CSMD1: variants seen among roughly 807,000 people sequenced by gnomAD.
CSMD1 encodes CUB and sushi domain-containing protein 1.
Under a neutral mutation model 417.5 loss-of-function variants are expected in CSMD1, and 213 were observed. That is an observed-to-expected ratio of 0.51 (90% CI 0.46 to 0.57). The LOEUF (loss-of-function observed/expected upper bound fraction) is 0.57. CSMD1 is among the 20% of genes least tolerant of loss of function. The pLI is 0.00. For synonymous variants in CSMD1, 2,862 were observed against 1,736.8 expected (o/e 1.65, Z -16.11); for missense variants, 6,923 against 4,529.7 (o/e 1.53, Z -15.17).
chr8:4,902,433 A>AG (rs1178053799), intron 1 of CSMD1, among the ~76,000 whole-genome samples: 2 of 115,490 alleles, frequency 1.7e-5, no homozygotes, highest in East Asian at 5.8e-4. Context: ...TCTAAAGAGG[A>AG]GAAAAAAAAA....
intron 5 of CSMD1, among the ~76,000 whole-genome samples, chr8:3,925,586 C>G (rs989238041): frequency 8.5e-5 from 13 of 152,064 alleles, no homozygotes; most frequent in Non-Finnish European, 1.0e-4. Context: ...ATCGTGGAGA[C>G]CAGTCTTTCC....
chr8:3,857,070 G>GA (rs993749576), intron 5 of CSMD1, among the ~76,000 whole-genome samples: 85 of 147,682 alleles, frequency 5.8e-4, no homozygotes, highest in African/African-American at 1.5e-3. Flanking sequence ...CTTACTTCAG[G>GA]AAAAAAAAAA....
intron 68 of CSMD1, among the ~76,000 whole-genome samples, chr8:2,947,786 G>A (rs1229604200): frequency 1.3e-5 from 2 of 152,052 alleles, no homozygotes; most frequent in African/African-American, 4.8e-5. Flanking sequence ...TTGGTCTAAT[G>A]CATTTATTCC....
intron 39 of CSMD1, 54 bp downstream of exon 39, chr8:3,157,843 C>A (rs1311781612): frequency 4.3e-6 from 6 of 1,391,160 alleles, no homozygotes; most frequent in Non-Finnish European, 4.0e-6. Flanking sequence ...GTAGAGCAGG[C>A]ATGTTCTTCC....
At chr8:3,968,094 G>C (rs919158014) in intron 5 of CSMD1, among the ~76,000 whole-genome samples, 2 of 151,710 alleles carry the variant, frequency 1.3e-5, no homozygotes, top group Non-Finnish European at 2.9e-5. Flanking sequence ...GGCTGAGGCA[G>C]GAGAATGGCG....
chr8:4,029,954 T>C (rs998910373), intron 4 of CSMD1, among the ~76,000 whole-genome samples: 9 of 152,174 alleles, frequency 5.9e-5, no homozygotes, highest in Non-Finnish European at 1.2e-4. Flanking sequence ...GGCAGTCAAA[T>C]CTTAAAGCTC....
At chr8:4,849,248 T>C (rs570178551) in intron 1 of CSMD1, among the ~76,000 whole-genome samples, 1 of 152,340 alleles carries the variant, frequency 6.6e-6, no homozygotes, top group South Asian at 2.1e-4. Context: ...AATATTATTG[T>C]ACACCTGTGC....
chr8:4,462,663 CG>C (rs1799906841), intron 2 of CSMD1, among the ~76,000 whole-genome samples: 1 of 152,156 alleles, frequency 6.6e-6, no homozygotes, highest in African/African-American at 2.4e-5. Flanking sequence ...ATAAAATTCA[CG>C]TTCCAGAGAT....
intron 5 of CSMD1, among the ~76,000 whole-genome samples, chr8:3,805,882 G>C (rs1165543346): frequency 1.3e-5 from 2 of 151,844 alleles, no homozygotes; most frequent in Admixed American, 6.6e-5. Flanking sequence ...TTCTATTCTG[G>C]GGCAAACCAA....
At chr8:4,479,867 G>A (rs904963579) in intron 2 of CSMD1, among the ~76,000 whole-genome samples, 1 of 151,844 alleles carries the variant, frequency 6.6e-6, no homozygotes, top group Non-Finnish European at 1.5e-5. Context: ...TCGGGAGGCT[G>A]AGGCAGGAGA....
chr8:4,282,498 A>G (rs986178074), intron 3 of CSMD1, among the ~76,000 whole-genome samples: 1 of 152,194 alleles, frequency 6.6e-6, no homozygotes, highest in Non-Finnish European at 1.5e-5. Context: ...TGACATCGTT[A>G]TCTCCCTCTA....
chr8:3,493,762 C>T (rs1444547171), intron 10 of CSMD1, 36 bp from the exon 11 acceptor site: 1 of 1,542,328 alleles, frequency 6.5e-7, no homozygotes, highest in Non-Finnish European at 8.9e-7. Context: ...CTTAGAACAA[C>T]AGGTACTTCC....
rs893810057 is a variant in CSMD1, at chr8:4,053,410, T to C, written c.416-21311A>G. 3.3e-5 allele frequency among the ~76,000 whole-genome samples: 5 copies of C among 151,782 alleles called. No homozygotes were observed. In the East Asian group the frequency reaches 9.8e-4, roughly 30 times the overall value. On this transcript the variant is annotated intron_variant, in intron 3 of 69. Coordinates refer to ENST00000635120, the MANE Select transcript of CSMD1 (RefSeq NM_033225.6). The stretch of plus-strand genomic sequence containing the variant: ...CTGACTGCCTCTACCTTGGTGTGAA[T>C]AGCTCCCACCACCTGCTTTTTATCA...
chr8:4,895,281 T>G (rs531864927), intron 1 of CSMD1, among the ~76,000 whole-genome samples: 35 of 152,292 alleles, frequency 2.3e-4, no homozygotes, highest in South Asian at 1.2e-3. Flanking sequence ...GTTACGATTA[T>G]GAAAATGGTA....
intron 23 of CSMD1, among the ~76,000 whole-genome samples, chr8:3,313,265 A>T (rs1239360143): frequency 2.0e-5 from 3 of 152,234 alleles, no homozygotes; most frequent in Admixed American, 1.3e-4. Context: ...CAAAATTGAC[A>T]AATGGGATCG....
chr8:3,452,747 A>G (rs887705228), intron 12 of CSMD1, among the ~76,000 whole-genome samples: 3 of 152,120 alleles, frequency 2.0e-5, no homozygotes, highest in African/African-American at 7.2e-5. Context: ...TTTTGCATCG[A>G]TGTTCATCAG....
At chr8:4,350,433 C>T (rs1481890951) in intron 3 of CSMD1, among the ~76,000 whole-genome samples, 1 of 152,166 alleles carries the variant, frequency 6.6e-6, no homozygotes, top group Admixed American at 6.5e-5. Context: ...TCTCATCAAC[C>T]AACCTTGATT....
At chr8:4,722,839 G>A (rs1038322808) in intron 1 of CSMD1, among the ~76,000 whole-genome samples, 1 of 152,006 alleles carries the variant, frequency 6.6e-6, no homozygotes, top group Non-Finnish European at 1.5e-5. Flanking sequence ...AATACTACTG[G>A]AATGACACTG....
At chr8:4,855,654 T>A (rs565252020) in intron 1 of CSMD1, among the ~76,000 whole-genome samples, 7 of 152,042 alleles carry the variant, frequency 4.6e-5, no homozygotes, top group South Asian at 2.1e-4. Context: ...AACTGGAAGA[T>A]AGGGTATCAG....
Sources: allele counts gnomAD v4.1 joint callset (sites outside exome capture counted in the v4.1 genomes callset), GRCh38; gene constraint gnomAD v4.1.1; transcripts MANE v1.5; gene names NCBI Gene and HGNC (gene_info 2026-07-23, HGNC 2026-07-21).